CERS6: variants seen among roughly 807,000 people sequenced by gnomAD.
The protein encoded by CERS6 is ceramide synthase 6.
A neutral mutation model predicts 56.8 loss-of-function variants in CERS6; 26 were observed. That is an observed-to-expected ratio of 0.46 (90% CI 0.34 to 0.63). The LOEUF (loss-of-function observed/expected upper bound fraction) is 0.63. Ranked by LOEUF, CERS6 falls within the 30% of genes least tolerant of loss-of-function variation. CERS6 has a pLI of 0.01. For missense variants in CERS6, 415 were observed against 467.5 expected (o/e 0.89, Z 1.04); for synonymous variants, 164 against 173.3 (o/e 0.95, Z 0.42).
intron 6 of CERS6, among the ~76,000 whole-genome samples, chr2:168,711,885 G>C (rs1687101349): frequency 6.6e-6 from 1 of 152,104 alleles, no homozygotes; most frequent in South Asian, 2.1e-4. Flanking sequence ...CTGTCGATAA[G>C]ACCCTGGTTT....
At chr2:168,513,055 G>A (rs1694817268) in intron 1 of CERS6, among the ~76,000 whole-genome samples, 1 of 152,012 alleles carries the variant, frequency 6.6e-6, no homozygotes. Flanking sequence ...CAAATATTTA[G>A]TTCTCCTTGG....
intron 2 of CERS6, among the ~76,000 whole-genome samples, chr2:168,559,556 A>G (rs369727983): frequency 6.6e-6 from 1 of 151,356 alleles, no homozygotes; most frequent in Non-Finnish European, 1.5e-5. Context: ...GTCTCTTCTA[A>G]TAACTTCTAA....
intron 1 of CERS6, among the ~76,000 whole-genome samples, chr2:168,493,369 C>G (rs1337936020): frequency 6.6e-6 from 1 of 152,002 alleles, no homozygotes; most frequent in Non-Finnish European, 1.5e-5. Context: ...CCTGTCTACT[C>G]ACTCTTTTAA....
intron 3 of CERS6, among the ~76,000 whole-genome samples, chr2:168,596,521 A>G (rs947000934): frequency 1.3e-5 from 2 of 150,132 alleles, no homozygotes; most frequent in Non-Finnish European, 3.0e-5. Context: ...GCCTTCATTC[A>G]TTAAATCATT....
chr2:168,628,001 C>T (rs956322812), intron 3 of CERS6, among the ~76,000 whole-genome samples: 2 of 152,076 alleles, frequency 1.3e-5, no homozygotes, highest in Non-Finnish European at 2.9e-5. Context: ...CTTTATTCCA[C>T]CTATAATCTC....
chr2:168,703,954 G>A (rs1686869089), intron 6 of CERS6, among the ~76,000 whole-genome samples: 1 of 152,206 alleles, frequency 6.6e-6, no homozygotes. Flanking sequence ...GCTACCATTT[G>A]TGATCAAAGC....
intron 1 of CERS6, among the ~76,000 whole-genome samples, chr2:168,474,347 G>A (rs1395530182): frequency 6.6e-6 from 1 of 152,086 alleles, no homozygotes; most frequent in Non-Finnish European, 1.5e-5. Flanking sequence ...TCCCTAAACT[G>A]ACATAAAGAA....
chr2:168,469,487 C>G (rs115669555), intron 1 of CERS6, among the ~76,000 whole-genome samples: 2,999 of 152,128 alleles, frequency 0.02, 73 homozygotes, highest in African/African-American at 0.053. Context: ...ATTCAGTCAT[C>G]ATTTAGGGTC....
At chr2:168,742,111 G>A (rs1296519164) in intron 8 of CERS6, among the ~76,000 whole-genome samples, 1 of 152,200 alleles carries the variant, frequency 6.6e-6, no homozygotes, top group Non-Finnish European at 1.5e-5. Flanking sequence ...TGGTGTTGCA[G>A]TTTGCTTCAG....
At chr2:168,544,010 G>A (rs560099102) in intron 1 of CERS6, among the ~76,000 whole-genome samples, 5 of 152,240 alleles carry the variant, frequency 3.3e-5, no homozygotes, top group African/African-American at 1.2e-4. Flanking sequence ...TTACTTGATG[G>A]TTTTATTCAT....
chr2:168,646,877 T>A (rs1364961162), intron 4 of CERS6, among the ~76,000 whole-genome samples: 2 of 152,220 alleles, frequency 1.3e-5, no homozygotes, highest in Non-Finnish European at 2.9e-5. Flanking sequence ...TCTATTCTGT[T>A]CCATTGGTCT....
At chr2:168,559,166 A>C (rs551466153) in intron 2 of CERS6, among the ~76,000 whole-genome samples, 1 of 152,032 alleles carries the variant, frequency 6.6e-6, no homozygotes, top group East Asian at 1.9e-4. Context: ...TAAGAGAGAC[A>C]TCAAAGGTGA....
chr2:168,647,599 G>C (rs1266543696), intron 4 of CERS6, among the ~76,000 whole-genome samples: 2 of 152,146 alleles, frequency 1.3e-5, no homozygotes, highest in Admixed American at 1.3e-4. Context: ...CAGTTTTCAA[G>C]GGGAATGCTT....
chr2:168,701,632 T>A (rs1005303179), intron 6 of CERS6, among the ~76,000 whole-genome samples: 1 of 152,208 alleles, frequency 6.6e-6, no homozygotes. Flanking sequence ...TCAGTATCCA[T>A]GGGGAATTGG....
At chr2:168,636,603 C>T (rs1394328305) in intron 4 of CERS6, among the ~76,000 whole-genome samples, 2 of 152,124 alleles carry the variant, frequency 1.3e-5, no homozygotes, top group Non-Finnish European at 2.9e-5. Context: ...CCTCCTACTC[C>T]GTAAGACCCG....
intron 4 of CERS6, among the ~76,000 whole-genome samples, chr2:168,645,116 A>T (rs4668088): frequency 0.11 from 2,131 of 18,808 alleles, 244 homozygotes; most frequent in Non-Finnish European, 0.15. Flanking sequence ...AAAAAAAAAA[A>T]ATATATATAT....
chr2:168,498,330 T>C (rs1694511998), intron 1 of CERS6, among the ~76,000 whole-genome samples: 2 of 152,252 alleles, frequency 1.3e-5, no homozygotes, highest in South Asian at 2.1e-4. Flanking sequence ...TGCTGTTGAC[T>C]GAAAAAAATC....
intron 4 of CERS6, among the ~76,000 whole-genome samples, chr2:168,652,031 C>T (rs1163470581): frequency 6.6e-6 from 1 of 150,596 alleles, no homozygotes; most frequent in African/African-American, 2.4e-5. Context: ...CACTGCCCCC[C>T]ACCCCCTTTT....
chr2:168,664,911 T>G (rs1685719715), intron 4 of CERS6, among the ~76,000 whole-genome samples: 1 of 152,196 alleles, frequency 6.6e-6, no homozygotes, highest in African/African-American at 2.4e-5. Context: ...ATGGAGTTAC[T>G]CTGGTTCACA....
Sources: allele counts gnomAD v4.1 joint callset (sites outside exome capture counted in the v4.1 genomes callset), GRCh38; gene constraint gnomAD v4.1.1; transcripts MANE v1.5; gene names NCBI Gene and HGNC (gene_info 2026-07-23, HGNC 2026-07-21).